Variants in PKP2 observed in about 807,000 individuals in gnomAD.
The protein encoded by PKP2 is plakophilin-2.
In PKP2, 73 loss-of-function variants were observed where a neutral mutation model predicts 83.4. The observed-to-expected ratio is 0.88, with a 90% CI of 0.72 to 1.06. The LOEUF (loss-of-function observed/expected upper bound fraction) is 1.06, where lower values mean the gene tolerates loss of function less well. Among genes scored for constraint, PKP2 ranks in the 50% least tolerant of loss-of-function variants. The probability of loss-of-function intolerance (pLI) is 0.00; values close to 1 mark genes in which losing one functional copy is unlikely to be tolerated. For missense variants in PKP2, 966 were observed against 1,065.4 expected, an observed-to-expected ratio of 0.91 and a Z score of 1.30; for synonymous variants, 409 against 430.4, an observed-to-expected ratio of 0.95 and a Z score of 0.62.
chr12:32,863,881 G>A (rs1956822946), intron 4 of PKP2, among the ~76,000 whole-genome samples: 1 of 152,144 alleles, frequency 6.6e-6, no homozygotes. Flanking sequence ...TACAGATCAT[G>A]TCTTTTACAC....
At chr12:32,816,850 C>T (rs1025517558) in intron 9 of PKP2, among the ~76,000 whole-genome samples, 2 of 152,082 alleles carry the variant, frequency 1.3e-5, no homozygotes, top group African/African-American at 2.4e-5. Flanking sequence ...TGATGATGAG[C>T]GTTTTTTCAT....
intron 4 of PKP2, among the ~76,000 whole-genome samples, chr12:32,867,935 ATC>A (rs1388657013): frequency 1.3e-5 from 2 of 152,180 alleles, no homozygotes; most frequent in Non-Finnish European, 2.9e-5. Context: ...TATTGATTCC[ATC>A]TCTGAGGATC....
At chr12:32,827,048 T>C (rs1349658723) in intron 6 of PKP2, among the ~76,000 whole-genome samples, 2 of 152,248 alleles carry the variant, frequency 1.3e-5, no homozygotes, top group African/African-American at 2.4e-5. Context: ...CCAGGATAAA[T>C]GGCAGTAGTT....
At chr12:32,885,554 G>C (rs930006401) in intron 1 of PKP2, among the ~76,000 whole-genome samples, 21 of 152,002 alleles carry the variant, frequency 1.4e-4, no homozygotes, top group Non-Finnish European at 2.6e-4. Context: ...TTGGGCACCT[G>C]TAATTCCAGC....
intron 1 of PKP2, among the ~76,000 whole-genome samples, chr12:32,881,782 AGCC>A (rs1488124976): frequency 6.6e-6 from 1 of 152,120 alleles, no homozygotes; most frequent in Non-Finnish European, 1.5e-5. Context: ...AGCCTCTGTG[AGCC>A]ACCGTGTCTG....
intron 1 of PKP2, among the ~76,000 whole-genome samples, chr12:32,880,575 T>C (rs1956976239): frequency 2.0e-5 from 3 of 152,138 alleles, no homozygotes; most frequent in Admixed American, 2.0e-4. Context: ...TGGAATCACC[T>C]GGCCCCTCTT....
At chr12:32,832,826 G>C (rs1375430387) in intron 6 of PKP2, among the ~76,000 whole-genome samples, 3 of 152,306 alleles carry the variant, frequency 2.0e-5, no homozygotes, top group East Asian at 1.9e-4. Flanking sequence ...ATAGCTATTT[G>C]ATAGTCAAGA....
chr12:32,829,420 G>T (rs1956477711), intron 6 of PKP2, among the ~76,000 whole-genome samples: 1 of 150,246 alleles, frequency 6.7e-6, no homozygotes, highest in South Asian at 2.1e-4. Flanking sequence ...ATGCTCAGTG[G>T]ATTTATTTTT....
chr12:32,859,666 G>A (rs753511242), intron 4 of PKP2, among the ~76,000 whole-genome samples: 2 of 152,146 alleles, frequency 1.3e-5, no homozygotes, highest in African/African-American at 2.4e-5. Flanking sequence ...ATGGTGGCCA[G>A]GCTGGTCTTG....
At chr12:32,822,666 A>G in intron 7 of PKP2, 35 bp from the exon 8 acceptor site, 1 of 1,606,780 alleles carries the variant, frequency 6.2e-7, no homozygotes, top group Non-Finnish European at 8.5e-7. Flanking sequence ...GATCGTATAC[A>G]TATAGATATC....
chr12:32,893,911 CTTTTTTTTTTTT>C (rs138765604), intron 1 of PKP2: 1 of 81,772 alleles, frequency 1.2e-5, no homozygotes, highest in Non-Finnish European at 2.1e-5. Flanking sequence ...GAGTAACTTA[CTTTTTTTTTTTT>C]TTTTTTTTTT....
At chr12:32,822,877 T>C (rs1329077761) in intron 7 of PKP2, among the ~76,000 whole-genome samples, 1 of 152,102 alleles carries the variant, frequency 6.6e-6, no homozygotes, top group Non-Finnish European at 1.5e-5. Flanking sequence ...AAAGAGTGTG[T>C]CCAGAACAAC....
Position 32,832,658 on chromosome 12 carries a change from T to C in PKP2, c.1556+8370A>G, listed in dbSNP as rs115343857. On this transcript the variant is annotated intron_variant, in intron 6 of 12. Coordinates refer to ENST00000340811, the MANE Select transcript of PKP2 (RefSeq NM_001005242.3). ...CAATCTCTGGGGTGAACTATCTAGATACTTTCATCAAGTTTCCATTTTGTT... is the reference window on the plus strand; with the variant it reads ...CAATCTCTGGGGTGAACTATCTAGACACTTTCATCAAGTTTCCATTTTGTT... 5.7e-3 allele frequency among the ~76,000 whole-genome samples: 869 copies of C among 152,326 alleles called. 5 individuals carry two copies. The highest frequency in any genetic ancestry group is 0.02 in the African/African-American group (812 of 41,578).
chr12:32,889,426 A>C (rs984362348), intron 1 of PKP2, among the ~76,000 whole-genome samples: 1 of 152,208 alleles, frequency 6.6e-6, no homozygotes, highest in Non-Finnish European at 1.5e-5. Flanking sequence ...GGCCACGTTA[A>C]AACAAAGAGG....
At chr12:32,858,862 A>C (rs898041786) in intron 4 of PKP2, among the ~76,000 whole-genome samples, 2 of 152,228 alleles carry the variant, frequency 1.3e-5, no homozygotes, top group East Asian at 3.8e-4. Flanking sequence ...GCTCAACTTC[A>C]TGAATAATTA....
At position 32,791,873 on chromosome 12, in the gene PKP2, C is replaced by A; in HGVS notation, c.*551G>T. The A allele has an allele frequency of 6.2e-6, 1 of 160,592 alleles. No individual in the cohort carries two copies. Among genetic ancestry groups the A allele is most frequent in the Non-Finnish European group, 1.4e-5 (1 of 73,118 alleles). 9.9% of individuals were successfully genotyped at this position (160,592 alleles called of 1,614,324 possible). On this transcript the variant is annotated 3_prime_UTR_variant, in exon 13 of 13. Transcript: ENST00000340811. Reference sequence around the variant, plus strand: ...TATTTAAAAATCAGAGAAAAACAACCCAAGGGGATAAAAACAAGCACAAAG... The same window carrying A: ...TATTTAAAAATCAGAGAAAAACAACACAAGGGGATAAAAACAAGCACAAAG...
chr12:32,810,675 A>ATTTTTTTTT (rs1222143443), intron 9 of PKP2, among the ~76,000 whole-genome samples: 3 of 28,752 alleles, frequency 1.0e-4, no homozygotes, highest in African/African-American at 1.6e-4. Flanking sequence ...TAGAATAAAC[A>ATTTTTTTTT]TTTTTTTTTT....
intron 9 of PKP2, among the ~76,000 whole-genome samples, chr12:32,806,453 C>T (rs184299179): frequency 3.9e-5 from 6 of 152,116 alleles, no homozygotes; most frequent in East Asian, 1.9e-4. Context: ...AAGGTGTATG[C>T]GTCCAGGAGT....
chr12:32,872,774 T>C (rs1168064970), intron 3 of PKP2, among the ~76,000 whole-genome samples: 1 of 152,062 alleles, frequency 6.6e-6, no homozygotes, highest in Non-Finnish European at 1.5e-5. Flanking sequence ...ATGAAAGCAA[T>C]GCTTTGGAAA....
Sources: gnomAD v4.1 joint callset for allele counts (sites outside exome capture counted in the v4.1 genomes callset) on GRCh38, gnomAD v4.1.1 for gene constraint, MANE v1.5 for transcripts, NCBI Gene and HGNC (gene_info 2026-07-23, HGNC 2026-07-21) for gene names.